SLC9A4: variants seen among roughly 807,000 people sequenced by gnomAD.
The protein encoded by SLC9A4 is sodium/hydrogen exchanger 4.
SLC9A4 carries 63 observed loss-of-function variants against 67.4 expected under a neutral mutation model. That is an observed-to-expected ratio of 0.93 (90% CI 0.76 to 1.15). The LOEUF (loss-of-function observed/expected upper bound fraction) is 1.15. Among genes scored for constraint, SLC9A4 ranks in the 50% most tolerant of loss-of-function variants. The pLI is 0.00. For synonymous variants in SLC9A4, 393 were observed against 367.2 expected (o/e 1.07, Z -0.80); for missense variants, 1,089 against 987.7 (o/e 1.10, Z -1.38).
In SLC9A4 at chr2:102,473,651, C is replaced by G; in HGVS notation, c.-109C>G. ...TCTTGGGAGGACCCACAGACTGTAC[C>G]TATATTACTTTTGACCCAGGTGGAT... On this transcript the variant is annotated 5_prime_UTR_variant, in exon 1 of 12. Transcript: ENST00000295269. 4 of 1,375,106 alleles carry G rather than the reference C, an allele frequency of 2.9e-6. No individual in the cohort carries two copies. The highest frequency in any genetic ancestry group is 4.0e-6 in the Non-Finnish European group (4 of 1,008,270). The allele number at this position is 1,375,106 out of a possible 1,614,324, so 85.2% of individuals were successfully genotyped here.
At chr2:102,505,200 T>C (rs1477605758) in intron 3 of SLC9A4, 54 bp from the exon 4 acceptor site, 1 of 1,559,164 alleles carries the variant, frequency 6.4e-7, no homozygotes, top group Non-Finnish European at 8.7e-7. Context: ...GGAGGGCGTT[T>C]TGTGGAGGGG....
intron 7 of SLC9A4, among the ~76,000 whole-genome samples, chr2:102,512,852 G>A (rs969735177): frequency 1.3e-5 from 2 of 152,216 alleles, no homozygotes; most frequent in African/African-American, 4.8e-5. Flanking sequence ...AGCTCACTGA[G>A]GATGGGGCTC....
At chr2:102,504,157 A>G (rs963449186) in intron 3 of SLC9A4, among the ~76,000 whole-genome samples, 1 of 152,066 alleles carries the variant, frequency 6.6e-6, no homozygotes, top group Non-Finnish European at 1.5e-5. Context: ...GGTTCACTCC[A>G]TTCTCCTGCC....
At chr2:102,504,232 T>A (rs945884146) in intron 3 of SLC9A4, among the ~76,000 whole-genome samples, 5 of 152,144 alleles carry the variant, frequency 3.3e-5, no homozygotes, top group Non-Finnish European at 2.9e-5. Flanking sequence ...TTTTGTATTT[T>A]TAGTGGCGAC....
intron 6 of SLC9A4, among the ~76,000 whole-genome samples, chr2:102,511,643 A>G (rs1357044349): frequency 6.6e-6 from 1 of 152,056 alleles, no homozygotes; most frequent in Non-Finnish European, 1.5e-5. Context: ...GTTAAAACAA[A>G]TGCAATATAA....
At chr2:102,518,514 T>G (rs1404868897) in intron 8 of SLC9A4, among the ~76,000 whole-genome samples, 1 of 152,130 alleles carries the variant, frequency 6.6e-6, no homozygotes. Context: ...TGTATATCAA[T>G]AGAGGTGGCA....
At chr2:102,501,341 G>A (rs1396626415) in intron 2 of SLC9A4, among the ~76,000 whole-genome samples, 2 of 152,058 alleles carry the variant, frequency 1.3e-5, no homozygotes, top group Non-Finnish European at 2.9e-5. Context: ...GGCTGGTCTC[G>A]AACTCCTGAG....
chr2:102,507,748 G>A (rs778920222), intron 4 of SLC9A4, among the ~76,000 whole-genome samples: 1 of 152,088 alleles, frequency 6.6e-6, no homozygotes, highest in Non-Finnish European at 1.5e-5. Context: ...GTTTTGAAAG[G>A]TGGGACAAAA....
At chr2:102,515,380 G>T (rs1287737105) in intron 8 of SLC9A4, among the ~76,000 whole-genome samples, 1 of 148,618 alleles carries the variant, frequency 6.7e-6, no homozygotes, top group African/African-American at 2.5e-5. Context: ...TAAGAAATAA[G>T]GCAGAAAGCT....
rs142564993 is a variant in SLC9A4, at chr2:102,490,892, A to T, written c.720+11590A>T. 2.3e-3 allele frequency among the ~76,000 whole-genome samples: 347 copies of T among 152,316 alleles called. 2 individuals are homozygous for T. The highest frequency in any genetic ancestry group is 8.0e-3 in the African/African-American group (334 of 41,560). ...TAGCCAACAGGTCTCTCCCTTCATA[A>T]TGTTTACTCAAGGTCTTTAGCTTAT... On this transcript the variant is annotated intron_variant, in intron 2 of 11. Transcript: ENST00000295269.
At chr2:102,505,798 G>A (rs1159720901) in intron 4 of SLC9A4, 2 of 253,348 alleles carry the variant, frequency 7.9e-6, no homozygotes, top group African/African-American at 4.5e-5. Context: ...TTTATTTGGA[G>A]TTGCACCAAT....
intron 2 of SLC9A4, among the ~76,000 whole-genome samples, chr2:102,481,481 C>A (rs1010086437): frequency 6.6e-6 from 1 of 152,134 alleles, no homozygotes; most frequent in Non-Finnish European, 1.5e-5. Context: ...TAAAAAAATA[C>A]TGGACACCAA....
intron 2 of SLC9A4, among the ~76,000 whole-genome samples, chr2:102,479,733 T>C (rs948750667): frequency 2.0e-5 from 3 of 152,200 alleles, no homozygotes; most frequent in Non-Finnish European, 4.4e-5. Flanking sequence ...CATACCACAT[T>C]AGATTAGGTG....
intron 8 of SLC9A4, among the ~76,000 whole-genome samples, chr2:102,516,837 C>T (rs1426954014): frequency 1.3e-5 from 2 of 152,064 alleles, no homozygotes; most frequent in Non-Finnish European, 2.9e-5. Flanking sequence ...GTGTTGAAGC[C>T]TTACACATTT....
chr2:102,508,258 A>C lies in SLC9A4; in HGVS notation c.1378A>C (p.Ile460Leu), dbSNP rs933680749. 2 of 1,613,730 alleles carry C rather than the reference A, an allele frequency of 1.2e-6. No individual in the cohort carries two copies. The highest frequency in any genetic ancestry group is 1.7e-6 in the Non-Finnish European group (2 of 1,179,722). Residue 460 changes from isoleucine to leucine, a missense_variant, in exon 5 of 12, where the codon ATA (isoleucine) becomes CTA (leucine). Physicochemically the swap from Ile to Leu is conservative, Grantham distance 5 (BLOSUM62 2). Transcript: ENST00000295269. ...GTTTGTCACTGCTACTCTAGTAGTT[A>C]TATACTTTACTGTATTTATTCAGGT... is the stretch of plus-strand genomic sequence containing the variant. ...KMFVTATLVVIYFTVFIQGIT... is the reference protein window; with the variant it reads ...KMFVTATLVVLYFTVFIQGIT...
At chr2:102,489,004 C>T (rs1684646355) in intron 2 of SLC9A4, among the ~76,000 whole-genome samples, 2 of 152,274 alleles carry the variant, frequency 1.3e-5, no homozygotes, top group Admixed American at 6.5e-5. Flanking sequence ...TCCACTATGC[C>T]AGAGCAATCT....
chr2:102,520,155 C>T (rs929913796), intron 9 of SLC9A4, among the ~76,000 whole-genome samples, 200 bp downstream of exon 9: 3 of 152,090 alleles, frequency 2.0e-5, no homozygotes, highest in Non-Finnish European at 1.5e-5. Flanking sequence ...GTACCTGTGA[C>T]ATAAAAAGAA....
At chr2:102,483,849 C>CACACAT (rs1684527048) in intron 2 of SLC9A4, among the ~76,000 whole-genome samples, 1 of 128,176 alleles carries the variant, frequency 7.8e-6, no homozygotes, top group African/African-American at 2.9e-5. Flanking sequence ...TATACACACA[C>CACACAT]ACAATATACA....
At chr2:102,474,266 G>A (rs115184912) in intron 1 of SLC9A4, among the ~76,000 whole-genome samples, 293 of 152,206 alleles carry the variant, frequency 1.9e-3, no homozygotes, top group Middle Eastern at 3.4e-3. Context: ...TCATTTCAGG[G>A]TGACAACCAT....
Sources: gnomAD v4.1 joint callset for allele counts (sites outside exome capture counted in the v4.1 genomes callset) on GRCh38, gnomAD v4.1.1 for gene constraint, MANE v1.5 for transcripts, NCBI Gene and HGNC (gene_info 2026-07-23, HGNC 2026-07-21) for gene names.